The following LRRC37A2 variants were observed in gnomAD, a reference collection of about 807,000 sequenced individuals.
LRRC37A2 encodes the protein leucine rich repeat containing 37 member A2.
LRRC37A2 carries 9 observed loss-of-function variants against 68.8 expected under a neutral mutation model. The ratio of observed to expected loss-of-function variants is 0.13; its 90% CI spans 0.08 to 0.23. The LOEUF is 0.23. Ranked by LOEUF, LRRC37A2 falls within the 10% of genes least tolerant of loss-of-function variation. LRRC37A2 has a pLI of 1.00. For synonymous variants in LRRC37A2, 63 were observed against 367.6 expected (o/e 0.17, Z 9.48); for missense variants, 168 against 950.4 (o/e 0.18, Z 10.82).
the LRRC37A2 span, among the ~76,000 whole-genome samples, chr17:46,904,100 T>C: frequency 0.28 from 41,004 of 144,162 alleles, 6,526 homozygotes; most frequent in East Asian, 0.57. Context: ...GGTGGCTAGA[T>C]GGCTGGATGG....
At chr17:46,878,080 G>T in the LRRC37A2 span, among the ~76,000 whole-genome samples, 1 of 152,234 alleles carries the variant, frequency 6.6e-6, no homozygotes, top group African/African-American at 2.4e-5. Context: ...GGTTCCTGTT[G>T]CACATGCCTC....
At chr17:46,610,041 C>CTCTCTG in the LRRC37A2 span, among the ~76,000 whole-genome samples, 81 of 118,730 alleles carry the variant, frequency 6.8e-4, 4 homozygotes, top group East Asian at 0.014. Context: ...CTCTCTCTCT[C>CTCTCTG]TCTTTCTTTC....
At chr17:46,921,850 T>C in the LRRC37A2 span, among the ~76,000 whole-genome samples, 3 of 152,182 alleles carry the variant, frequency 2.0e-5, no homozygotes, top group African/African-American at 7.2e-5. Context: ...CTGGAGAGGA[T>C]GTGGAGAAAT....
the LRRC37A2 span, among the ~76,000 whole-genome samples, chr17:46,947,769 A>G: frequency 6.6e-6 from 1 of 152,030 alleles, no homozygotes; most frequent in Non-Finnish European, 1.5e-5. Context: ...CACTAGAAAT[A>G]GTTTTTTTTT....
chr17:46,798,594 C>T, the LRRC37A2 span, among the ~76,000 whole-genome samples: 1 of 152,206 alleles, frequency 6.6e-6, no homozygotes, highest in South Asian at 2.1e-4. Context: ...TGGATGCACA[C>T]AGTGACTGCC....
the LRRC37A2 span, chr17:46,721,572 C>T: frequency 6.8e-7 from 1 of 1,478,266 alleles, no homozygotes; most frequent in South Asian, 1.1e-5. Flanking sequence ...TTTTATTTAG[C>T]CATTTTTGTT....
At chr17:46,906,788 G>A in the LRRC37A2 span, among the ~76,000 whole-genome samples, 1 of 152,048 alleles carries the variant, frequency 6.6e-6, no homozygotes, top group Admixed American at 6.6e-5. Flanking sequence ...GCAGAGCCCA[G>A]ATCTGAATTC....
chr17:47,019,101 T>C, the LRRC37A2 span: 3 of 1,276,744 alleles, frequency 2.3e-6, no homozygotes, highest in East Asian at 2.3e-5. Context: ...GACTATAGTT[T>C]CTCCAAAGCA....
chr17:46,829,017 C>T, the LRRC37A2 span, among the ~76,000 whole-genome samples: 1 of 152,172 alleles, frequency 6.6e-6, no homozygotes, highest in Non-Finnish European at 1.5e-5. Context: ...TTGCATTTTC[C>T]TAAAGAGGCT....
chr17:46,785,310 G>A, the LRRC37A2 span, among the ~76,000 whole-genome samples: 1 of 152,200 alleles, frequency 6.6e-6, no homozygotes. Context: ...TCCTGGACCT[G>A]TCACCCTGCA....
the LRRC37A2 span, among the ~76,000 whole-genome samples, chr17:46,392,473 CCTTT>C: frequency 5.0e-4 from 23 of 46,426 alleles, no homozygotes; most frequent in African/African-American, 2.0e-3. Context: ...TTCTTTCTTT[CCTTT>C]CTTTCTTTCC....
chr17:46,910,432 G>A, the LRRC37A2 span, among the ~76,000 whole-genome samples: 2 of 152,098 alleles, frequency 1.3e-5, no homozygotes, highest in Non-Finnish European at 2.9e-5. Flanking sequence ...TCCGAGTGCC[G>A]CTGCTCTAGT....
the LRRC37A2 span, among the ~76,000 whole-genome samples, chr17:46,894,944 G>A: frequency 6.6e-5 from 10 of 152,204 alleles, no homozygotes; most frequent in Admixed American, 1.3e-4. Context: ...GGGGCCTCCC[G>A]GGCAGGGGCC....
the LRRC37A2 span, among the ~76,000 whole-genome samples, chr17:47,047,615 G>C: frequency 4.6e-5 from 7 of 151,888 alleles, no homozygotes. Flanking sequence ...AGTTTGTAAG[G>C]TGGTTTTAAA....
the LRRC37A2 span, among the ~76,000 whole-genome samples, chr17:46,811,508 G>A: frequency 6.6e-6 from 1 of 152,176 alleles, no homozygotes; most frequent in African/African-American, 2.4e-5. Context: ...TGAAGAACCG[G>A]GTTTCAGCCT....
At chr17:46,818,107 G>C in the LRRC37A2 span, among the ~76,000 whole-genome samples, 1 of 152,010 alleles carries the variant, frequency 6.6e-6, no homozygotes, top group East Asian at 1.9e-4. Context: ...TGAAGGAACA[G>C]GATGGTTTTG....
At chr17:46,418,246 T>C in the LRRC37A2 span, among the ~76,000 whole-genome samples, 3 of 65,526 alleles carry the variant, frequency 4.6e-5, 1 homozygote, top group Admixed American at 1.7e-4. Context: ...CGCGCGCGCG[T>C]GTGTGAAGCC....
At chr17:46,696,424 A>T in the LRRC37A2 span, among the ~76,000 whole-genome samples, 3 of 138,936 alleles carry the variant, frequency 2.2e-5, no homozygotes, top group African/African-American at 8.9e-5. Context: ...CTCATGTCAG[A>T]TATGGTCAAC....
chr17:46,806,919 G>A, the LRRC37A2 span, among the ~76,000 whole-genome samples: 278 of 152,334 alleles, frequency 1.8e-3, 1 homozygote, highest in South Asian at 6.8e-3. Context: ...TTGGAGAGAG[G>A]GTGGGTGCTA....
Sources: gnomAD v4.1 joint callset for allele counts (sites outside exome capture counted in the v4.1 genomes callset) on GRCh38, gnomAD v4.1.1 for gene constraint, MANE v1.5 for transcripts, NCBI Gene and HGNC (gene_info 2026-07-23, HGNC 2026-07-21) for gene names.